E2F3: variants seen among roughly 807,000 people sequenced by gnomAD.
E2F3 encodes the protein E2F transcription factor 3.
In E2F3, 11 loss-of-function variants were observed where a neutral mutation model predicts 44.4. That is an observed-to-expected ratio of 0.25 (90% confidence interval 0.16 to 0.41). E2F3 has a LOEUF of 0.41. E2F3 is among the 10% of genes least tolerant of loss of function. The pLI is 1.00. For missense variants in E2F3, 487 were observed against 583.6 expected, an observed-to-expected ratio of 0.83 and a Z score of 1.70; for synonymous variants, 249 against 253.0, an observed-to-expected ratio of 0.98 and a Z score of 0.15.
Position 20,492,741 on chromosome 6 carries a change from A to G in E2F3, c.*2311A>G, listed in dbSNP as rs1217942904. The stretch of plus-strand genomic sequence containing the variant: ...AAGTCTTAAAAGTTCCTTCATGCAT[A>G]AGATTTTTTTCCAGTTACTGGGTTT... On this transcript the variant is annotated 3_prime_UTR_variant, in exon 7 of 7. Coordinates refer to ENST00000346618, the MANE Select transcript of E2F3 (RefSeq NM_001949.5). The G allele has an allele frequency of 4.3e-6, 1 of 231,026 alleles. No individual in the cohort carries two copies. The highest frequency in any genetic ancestry group is 2.2e-5 in the African/African-American group (1 of 45,202). The allele number at this position is 231,026 out of a possible 1,614,324, so 14.3% of individuals were successfully genotyped here.
chr6:20,478,337 G>A (rs1044221559), intron 1 of E2F3, among the ~76,000 whole-genome samples: 15 of 152,170 alleles, frequency 9.9e-5, no homozygotes, highest in Admixed American at 3.9e-4. Flanking sequence ...CTAAGTCTTC[G>A]AAATTCAGTG....
At chr6:20,448,763 GT>G (rs1761033076) in intron 1 of E2F3, among the ~76,000 whole-genome samples, 1 of 152,156 alleles carries the variant, frequency 6.6e-6, no homozygotes. Context: ...TGTGTTGATT[GT>G]TTATTGAAAC....
chr6:20,481,140 A>T (rs1581653585), intron 2 of E2F3, 66 bp from the exon 3 acceptor site: 3 of 1,471,082 alleles, frequency 2.0e-6, no homozygotes, highest in Non-Finnish European at 1.9e-6. Context: ...TTGACTGCAA[A>T]GACACCCTTC....
rs1459480645 is a variant in E2F3 at position 20,490,602 on chromosome 6, TAAAC to T, written c.*176_*179del. 1.4e-6 allele frequency: 1 copy of T among 690,030 alleles called. No homozygotes were observed. Among genetic ancestry groups the T allele is most frequent in the Non-Finnish European group, 2.1e-6 (1 of 470,800 alleles). 42.7% of individuals were successfully genotyped at this position (690,030 alleles called of 1,614,324 possible). ...TTTAATGAATTTTTTAAAAAATTAA[TAAAC>T]AAATTGTCTAAACGCACAGTTGCAG... On this transcript the variant is annotated 3_prime_UTR_variant, in exon 7 of 7. Coordinates refer to ENST00000346618, the MANE Select transcript of E2F3 (RefSeq NM_001949.5). This position sits in a 1 kb window ranked among gnomAD's most constrained non-coding sequence, Gnocchi z 4.3.
At chr6:20,453,854 T>TA in intron 1 of E2F3, among the ~76,000 whole-genome samples, 1 of 152,328 alleles carries the variant, frequency 6.6e-6, no homozygotes, top group Admixed American at 6.5e-5. Flanking sequence ...AACAAGAAAC[T>TA]GTGGGTCACC....
chr6:20,402,493 T>A lies in E2F3; in HGVS notation c.261T>A (p.Ser87Arg), dbSNP rs1759337135. Residue 87 changes from serine to arginine, a missense_variant, in exon 1 of 7, where the codon AGT becomes AGA. Physicochemically the swap from Ser to Arg is moderately radical, Grantham distance 110. Coordinates refer to ENST00000346618, the MANE Select transcript of E2F3 (RefSeq NM_001949.5). The surrounding 1 kb of genome is among the most constrained non-coding windows in gnomAD (Gnocchi z 5.6). ...TAGCCGCCGGCCCCCTCCTCCCCAG[T>A]GCCCCCGGCGCGGAGCAGACCGCCG... ...GAVAAGPLLPSAPGAEQTAGS... is the reference protein window; with the variant it reads ...GAVAAGPLLPRAPGAEQTAGS... The A allele has an allele frequency of 1.2e-6, 2 of 1,605,266 alleles. No individual in the cohort carries two copies. Among genetic ancestry groups the A allele is most frequent in the East Asian group, 4.5e-5 (2 of 44,558 alleles).
At chr6:20,403,286 G>GCTCGCGGGCTGGCGCTCTGGC (rs1246166921) in intron 1 of E2F3, among the ~76,000 whole-genome samples, 16 of 152,122 alleles carry the variant, frequency 1.1e-4, no homozygotes, top group African/African-American at 3.9e-4. Flanking sequence ...GGGGTGAGGG[G>GCTCGCGGGCTGGCGCTCTGGC]CTCGCGGGCT....
chr6:20,482,718 C>A, intron 3 of E2F3, 44 bp from the exon 4 acceptor site: 1 of 1,525,386 alleles, frequency 6.6e-7, no homozygotes, highest in African/African-American at 1.4e-5. Context: ...TCCTTCCCCT[C>A]CCTCCCATGA....
intron 1 of E2F3, among the ~76,000 whole-genome samples, chr6:20,428,024 A>C (rs2127592158): frequency 6.6e-6 from 1 of 152,050 alleles, no homozygotes. Context: ...TCTCGCAGGG[A>C]CTCTGAAGTA....
At position 20,402,287 on chromosome 6, in the gene E2F3, G is replaced by A; in HGVS notation, c.55G>A (p.Gly19Arg). Residue 19 changes from glycine (G) to arginine (R), a missense_variant, in exon 1 of 7, where the codon GGG becomes AGG. Around this residue, in one of 3 missense-constraint regions of E2F3, gnomAD observed 238 missense variants for 236.0 expected, o/e 1.01. Transcript: ENST00000346618. The surrounding 1 kb of genome is among the most constrained non-coding windows in gnomAD (Gnocchi z 5.6). ...LEQYLVTAGG[G>R]EGAAVVAAAA... Reference sequence around the variant, plus strand: ...GCAGTACCTGGTGACCGCCGGGGGTGGGGAGGGGGCGGCTGTCGTCGCCGC... The same window carrying A: ...GCAGTACCTGGTGACCGCCGGGGGTAGGGAGGGGGCGGCTGTCGTCGCCGC... The A allele has an allele frequency of 6.2e-7, 1 of 1,609,330 alleles. No homozygotes were observed. Among genetic ancestry groups the A allele is most frequent in the South Asian group, 1.1e-5 (1 of 90,746 alleles).
Position 20,402,067 on chromosome 6 carries a change from C to T in E2F3, c.-166C>T, listed in dbSNP as rs1382651429. The T allele has an allele frequency of 7.3e-6, 9 of 1,232,278 alleles. No individual in the cohort carries two copies. The highest frequency in any genetic ancestry group is 3.5e-5 in the Admixed American group (1 of 28,426). The allele number at this position is 1,232,278 out of a possible 1,614,324, so 76.3% of individuals were successfully genotyped here. On this transcript the variant is annotated 5_prime_UTR_variant, in exon 1 of 7. Coordinates refer to ENST00000346618, the MANE Select transcript of E2F3 (RefSeq NM_001949.5). This position sits in a 1 kb window ranked among gnomAD's most constrained non-coding sequence, Gnocchi z 5.6. ...CCCCGATTATTTTTGGCCCCCGGGG[C>T]CTGTGCGGTGCGGAAAAATAAAAAG...
chr6:20,480,253 C>A (rs1164376662), intron 2 of E2F3, among the ~76,000 whole-genome samples: 1 of 152,132 alleles, frequency 6.6e-6, no homozygotes, highest in Non-Finnish European at 1.5e-5. Flanking sequence ...TTTAACTTCC[C>A]TTAATGGACA....
intron 1 of E2F3, among the ~76,000 whole-genome samples, chr6:20,420,618 A>C (rs1759994891): frequency 6.6e-6 from 1 of 152,248 alleles, no homozygotes; most frequent in Non-Finnish European, 1.5e-5. Flanking sequence ...AGTGGGCAAC[A>C]GCATTATATC....
intron 1 of E2F3, among the ~76,000 whole-genome samples, chr6:20,457,286 C>G (rs542094695): frequency 6.6e-6 from 1 of 151,772 alleles, no homozygotes; most frequent in Admixed American, 6.6e-5. Flanking sequence ...GCGATTCTCC[C>G]GTCTCGGCCT....
At chr6:20,438,317 T>C (rs1408830257) in intron 1 of E2F3, among the ~76,000 whole-genome samples, 1 of 152,240 alleles carries the variant, frequency 6.6e-6, no homozygotes, top group Non-Finnish European at 1.5e-5. Context: ...AAATTTTGGA[T>C]ACTCTAATTT....
At chr6:20,427,345 T>C (rs1211134784) in intron 1 of E2F3, among the ~76,000 whole-genome samples, 1 of 152,168 alleles carries the variant, frequency 6.6e-6, no homozygotes, top group Non-Finnish European at 1.5e-5. Context: ...ATTTGGCCCT[T>C]TCCTCTTAGA....
intron 3 of E2F3, 86 bp downstream of exon 3, chr6:20,481,511 G>T (rs575713354): frequency 4.3e-6 from 5 of 1,159,400 alleles, no homozygotes; most frequent in Admixed American, 1.9e-5. Flanking sequence ...TCACATCCAC[G>T]CCCACACGTT....
intron 1 of E2F3, among the ~76,000 whole-genome samples, chr6:20,429,463 T>A (rs2127592658): frequency 1.3e-5 from 2 of 152,282 alleles, no homozygotes; most frequent in Middle Eastern, 3.4e-3. Flanking sequence ...CCAACCCTCA[T>A]TCCTTACTGT....
At chr6:20,470,219 C>G (rs1242510666) in intron 1 of E2F3, among the ~76,000 whole-genome samples, 1 of 152,188 alleles carries the variant, frequency 6.6e-6, no homozygotes, top group Admixed American at 6.5e-5. Context: ...CTCTTCATGC[C>G]CTCCTGGACC....
Sources: gnomAD v4.1 joint callset for allele counts (sites outside exome capture counted in the v4.1 genomes callset) on GRCh38, gnomAD v4.1.1 for gene constraint, gnomAD v4.1.1 regional missense constraint, Gnocchi (gnomAD v3.1) non-coding constraint, MANE v1.5 for transcripts, NCBI Gene and HGNC (gene_info 2026-07-23, HGNC 2026-07-21) for gene names.